The following ADAM28 variants were observed in gnomAD, a reference collection of about 807,000 sequenced individuals.
ADAM28 encodes disintegrin and metalloproteinase domain-containing protein 28.
Under a neutral mutation model 101.2 loss-of-function variants are expected in ADAM28, and 105 were observed. The observed-to-expected ratio is 1.04, with a 90% CI of 0.89 to 1.22. ADAM28 has a LOEUF of 1.22. Among genes scored for constraint, ADAM28 ranks in the 50% most tolerant of loss-of-function variants. The pLI is 0.00. For missense variants in ADAM28, 1,028 were observed against 945.4 expected, an observed-to-expected ratio of 1.09 and a Z score of -1.15; for synonymous variants, 322 against 310.6, an observed-to-expected ratio of 1.04 and a Z score of -0.39.
At chr8:24,301,502 A>G (rs117981192) in intron 2 of ADAM28, among the ~76,000 whole-genome samples, 1 of 152,336 alleles carries the variant, frequency 6.6e-6, no homozygotes, top group Non-Finnish European at 1.5e-5. Flanking sequence ...AGGATTTTTA[A>G]TATATTTTCA....
Position 24,351,375 on chromosome 8 carries a change from C to T in ADAM28, c.2178+65C>T, listed in dbSNP as rs748540408. 2.0e-5 allele frequency: 28 copies of T among 1,429,048 alleles called. No homozygotes were observed. In the East Asian group the frequency reaches 6.4e-4, roughly 33 times the overall value. 88.5% of individuals were successfully genotyped at this position (1,429,048 alleles called of 1,614,324 possible). The stretch of plus-strand genomic sequence containing the variant: ...CTTTGCGTTTCTCTCACACTCTTAT[C>T]CTGACTACCTATCTATCATTTCTAC... On this transcript the variant is annotated intron_variant, in intron 20 of 22. Transcript: ENST00000265769.
At position 24,309,913 on chromosome 8, in the gene ADAM28, T is replaced by G. The variant is rs1485491568; in HGVS notation, c.170T>G (p.Leu57Ter). Residue 57 changes from leucine (L) to a stop codon, truncating the protein, a stop_gained, in exon 3 of 23, where the codon TTA becomes TGA. Transcript: ENST00000265769. LOFTEE classifies it high-confidence loss of function. ...TTGCAGGAACAATTTGAAACTGAATTAAAGTATAAAATGACAATTAATGGA... is the reference window on the plus strand; with the variant it reads ...TTGCAGGAACAATTTGAAACTGAATGAAAGTATAAAATGACAATTAATGGA... Reference protein sequence around the residue: ...PEQQEQFETELKYKMTINGKI... With the variant: ...PEQQEQFETE 4.5e-6 allele frequency: 7 copies of G among 1,556,772 alleles called. No individual in the cohort carries two copies. The highest frequency in any genetic ancestry group is 6.2e-6 in the Non-Finnish European group (7 of 1,131,842).
At chr8:24,294,325 C>G in intron 1 of ADAM28, 130 bp downstream of exon 1, 1 of 1,081,376 alleles carries the variant, frequency 9.2e-7, no homozygotes, top group South Asian at 1.5e-5. Context: ...TCTTACTAAC[C>G]AGTTGGGCTG....
intron 16 of ADAM28, 136 bp downstream of exon 16, chr8:24,341,893 A>G (rs1814814015): frequency 1.9e-6 from 2 of 1,041,972 alleles, no homozygotes; most frequent in Admixed American, 2.6e-5. Context: ...GAACCCACAG[A>G]GTTTGAATTT....
chr8:24,333,184 A>G (rs1813588113), intron 13 of ADAM28, among the ~76,000 whole-genome samples: 1 of 152,112 alleles, frequency 6.6e-6, no homozygotes, highest in Non-Finnish European at 1.5e-5. Flanking sequence ...AAATGGGGAG[A>G]TGATGGTCAA....
rs36091498 is a variant in ADAM28 at position 24,328,921 on chromosome 8, C to CAAAAAAA, written c.973-1058_973-1052dup. Among the ~76,000 whole-genome samples, 157 of 135,570 alleles carry CAAAAAAA rather than the reference C, an allele frequency of 1.2e-3. 2 individuals carry two copies. Among genetic ancestry groups the CAAAAAAA allele is most frequent in the African/African-American group, 4.1e-3 (153 of 37,016 alleles). 88.9% of individuals were successfully genotyped at this position (135,570 alleles called of 152,430 possible). ...GGGCAACAAGAGTGAGACACAGTCT[C>CAAAAAAA]AAAAAAAAAAAATGGACCTCAAAGG... On this transcript the variant is annotated intron_variant, in intron 10 of 22. Coordinates refer to ENST00000265769, the MANE Select transcript of ADAM28 (RefSeq NM_014265.6).
At chr8:24,322,795 T>G (rs927423055) in intron 8 of ADAM28, 16 of 151,786 alleles carry the variant, frequency 1.1e-4, no homozygotes, top group Non-Finnish European at 1.5e-4. Flanking sequence ...CCAAACTACC[T>G]TTTTTTTAAA....
rs570577627 is a variant in ADAM28 at position 24,328,991 on chromosome 8, G to A, written c.973-994G>A. Among the ~76,000 whole-genome samples the A allele has an allele frequency of 7.2e-5, 11 of 151,778 alleles. No individual in the cohort carries two copies. The South Asian group carries it at 1.0e-3, about 14-fold the overall frequency. On this transcript the variant is annotated intron_variant, in intron 10 of 22. Transcript: ENST00000265769. The stretch of plus-strand genomic sequence containing the variant: ...GGGCAAGACAGAATGGAGGTCATTC[G>A]AGGGCAAAAATCATTCAAGTTAGGA...
rs1816583719 is a variant in ADAM28, at chr8:24,355,008, TTTTAAATGGAGAAAA to T, written c.*608_*622del. 1 of 152,588 alleles carries T rather than the reference TTTTAAATGGAGAAAA, an allele frequency of 6.6e-6. No individual in the cohort carries two copies. Among genetic ancestry groups the T allele is most frequent in the Middle Eastern group, 3.2e-3 (1 of 316 alleles). 9.5% of individuals were successfully genotyped at this position (152,588 alleles called of 1,614,324 possible). On this transcript the variant is annotated 3_prime_UTR_variant, in exon 23 of 23. Coordinates refer to ENST00000265769, the MANE Select transcript of ADAM28 (RefSeq NM_014265.6). ...TGGCATGGTTAAAGTGGTTTTCACT[TTTTAAATGGAGAAAA>T]TTTCAGTTAAATTAATAGGATAAAC...
intron 1 of ADAM28, 90 bp from the exon 2 acceptor site, chr8:24,299,874 TGTGTGGCATC>T (rs1808474290): frequency 1.2e-6 from 1 of 802,164 alleles, no homozygotes; most frequent in East Asian, 2.5e-5. Context: ...CAGGCTTCTG[TGTGTGGCATC>T]GTTCATTGGG....
At chr8:24,315,943 C>CA (rs1224094001) in intron 6 of ADAM28, among the ~76,000 whole-genome samples, 4 of 151,784 alleles carry the variant, frequency 2.6e-5, no homozygotes, top group Non-Finnish European at 1.5e-5. Flanking sequence ...AGGCATTAAA[C>CA]AAAGTTTAAC....
chr8:24,298,517 C>T (rs963552094), intron 1 of ADAM28, among the ~76,000 whole-genome samples: 1 of 152,050 alleles, frequency 6.6e-6, no homozygotes, highest in African/African-American at 2.4e-5. Flanking sequence ...AGTGCACAGT[C>T]CTCCTAGATA....
intron 2 of ADAM28, among the ~76,000 whole-genome samples, chr8:24,308,990 A>G (rs1810069648): frequency 6.6e-6 from 1 of 152,188 alleles, no homozygotes; most frequent in Non-Finnish European, 1.5e-5. Context: ...CCATATTTAG[A>G]TATCTTTAAT....
intron 16 of ADAM28, chr8:24,342,874 A>T: frequency 1.5e-6 from 1 of 687,972 alleles, no homozygotes. Context: ...AGTTGTTTGG[A>T]TTTTTAAAAA....
intron 16 of ADAM28, 118 bp from the exon 17 acceptor site, chr8:24,342,983 C>A: frequency 1.3e-6 from 2 of 1,503,264 alleles, no homozygotes; most frequent in Non-Finnish European, 1.8e-6. Flanking sequence ...CCTTCTTCTA[C>A]ATCAGCCTCC....
chr8:24,309,443 C>T (rs564559317), intron 2 of ADAM28, among the ~76,000 whole-genome samples: 35 of 152,284 alleles, frequency 2.3e-4, no homozygotes, highest in African/African-American at 8.4e-4. Context: ...TCGTTTTAAA[C>T]ATTACTTCCT....
chr8:24,321,369 G>C (rs1811857526), intron 8 of ADAM28, 80 bp downstream of exon 8: 6 of 1,170,274 alleles, frequency 5.1e-6, no homozygotes, highest in Non-Finnish European at 7.7e-6. Flanking sequence ...CGCACATGAA[G>C]CATGGAAGCA....
intron 1 of ADAM28, among the ~76,000 whole-genome samples, chr8:24,296,567 A>G (rs1807994566): frequency 6.6e-6 from 1 of 152,226 alleles, no homozygotes; most frequent in African/African-American, 2.4e-5. Context: ...CACATGAACA[A>G]ATAATGTAGC....
rs1810442286 is a variant in ADAM28 at position 24,311,426 on chromosome 8, T to C, written c.372T>C (p.Cys124=). ...TTTCTGACGCTAGCATCAGCACATG[T>C]AGGGGTCTAAGGTAAGACTTCAGGA... ...EKVSDASIST[C]RGLRGYFSQG... is the part of the protein sequence containing the mutation. The change falls in exon 5 of 23, where the codon TGT becomes TGC. Residue 124 remains cysteine, a synonymous_variant. Coordinates refer to ENST00000265769, the MANE Select transcript of ADAM28 (RefSeq NM_014265.6). 2.5e-6 allele frequency: 4 copies of C among 1,613,002 alleles called. No homozygotes were observed. The highest frequency in any genetic ancestry group is 1.7e-6 in the Non-Finnish European group (2 of 1,179,384).
Sources: gnomAD v4.1 joint callset for allele counts (sites outside exome capture counted in the v4.1 genomes callset) on GRCh38, gnomAD v4.1.1 for gene constraint, MANE v1.5 for transcripts, NCBI Gene and HGNC (gene_info 2026-07-23, HGNC 2026-07-21) for gene names.